Variants in MYH15 observed in about 807,000 individuals in gnomAD.
MYH15 encodes the protein myosin heavy chain 15.
MYH15 carries 227 observed loss-of-function variants against 240.5 expected under a neutral mutation model. The observed-to-expected ratio is 0.94, with a 90% CI of 0.85 to 1.05. The LOEUF (loss-of-function observed/expected upper bound fraction) is 1.05. MYH15 is among the 50% of genes least tolerant of loss of function. MYH15 has a pLI of 0.00. For synonymous variants in MYH15, 785 were observed against 796.7 expected, an observed-to-expected ratio of 0.99 and a Z score of 0.25; for missense variants, 2,217 against 2,247.5, an observed-to-expected ratio of 0.99 and a Z score of 0.27.
intron 4 of MYH15, among the ~76,000 whole-genome samples, chr3:108,499,730 C>A (rs2083422111): frequency 1.3e-5 from 2 of 152,180 alleles, no homozygotes; most frequent in East Asian, 1.9e-4. Context: ...AAATGGTAAC[C>A]AACTAATGAT....
chr3:108,400,030 T>C (rs1266693370), intron 33 of MYH15, among the ~76,000 whole-genome samples: 2 of 152,240 alleles, frequency 1.3e-5, no homozygotes, highest in Non-Finnish European at 1.5e-5. Context: ...TTTGGGACTA[T>C]GTGACTAGAT....
intron 1 of MYH15, among the ~76,000 whole-genome samples, chr3:108,526,310 T>C (rs1280767025): frequency 6.6e-6 from 1 of 152,192 alleles, no homozygotes; most frequent in Non-Finnish European, 1.5e-5. Context: ...AGAGCTTCTA[T>C]TAGTCTTCAC....
At chr3:108,515,530 C>A (rs771075063), upstream of MYH15, among the ~76,000 whole-genome samples, 1 of 152,186 alleles carries the variant, frequency 6.6e-6, no homozygotes, top group African/African-American at 2.4e-5. Flanking sequence ...TCTTTCCCAA[C>A]TTTAAATAAT....
At chr3:108,398,940 C>T in intron 34 of MYH15, 100 bp from the exon 35 acceptor site, 2 of 1,442,894 alleles carry the variant, frequency 1.4e-6, no homozygotes, top group Non-Finnish European at 1.9e-6. Context: ...TAGACATAAG[C>T]ATGCTCCTTC....
chr3:108,509,725 A>G (rs1332820635), intron 1 of MYH15, among the ~76,000 whole-genome samples: 1 of 152,210 alleles, frequency 6.6e-6, no homozygotes, highest in African/African-American at 2.4e-5. Context: ...TAAATCTCCA[A>G]TTAGCTGAAA....
chr3:108,441,501 A>C (rs914030269), intron 22 of MYH15, among the ~76,000 whole-genome samples: 1 of 152,148 alleles, frequency 6.6e-6, no homozygotes, highest in Non-Finnish European at 1.5e-5. Context: ...AGATTAGATT[A>C]CTTCTTCTAA....
intron 24 of MYH15, 140 bp downstream of exon 24, chr3:108,439,597 C>A: frequency 5.4e-6 from 4 of 741,112 alleles, no homozygotes; most frequent in Non-Finnish European, 2.0e-6. Context: ...GAAAAAGAAC[C>A]CTTTTATTCT....
intron 9 of MYH15, among the ~76,000 whole-genome samples, chr3:108,488,859 T>C (rs1183930015): frequency 6.6e-6 from 1 of 152,246 alleles, no homozygotes; most frequent in Non-Finnish European, 1.5e-5. Context: ...GTGACTTTCA[T>C]ACCATTTTTC....
chr3:108,444,488 CTCTTTGTTTTCATTG>C (rs1398528104), intron 22 of MYH15, 137 bp downstream of exon 22: 1 of 881,386 alleles, frequency 1.1e-6, no homozygotes, highest in African/African-American at 1.7e-5. Flanking sequence ...AACAGGGTAT[CTCTTTGTTTTCATTG>C]TCTTTGGTTT....
At chr3:108,433,157 G>A (rs540836260) in intron 25 of MYH15, among the ~76,000 whole-genome samples, 13 of 152,266 alleles carry the variant, frequency 8.5e-5, no homozygotes, top group East Asian at 7.7e-4. Context: ...CTCTTGCATC[G>A]GTGTGCCCTG....
chr3:108,381,706 G>C, intron 40 of MYH15, 147 bp from the exon 41 acceptor site: 5 of 881,630 alleles, frequency 5.7e-6, no homozygotes, highest in Non-Finnish European at 9.5e-6. Flanking sequence ...AGGGAATTGA[G>C]GCAATTATCT....
chr3:108,397,166 T>C (rs146239456), intron 35 of MYH15, among the ~76,000 whole-genome samples: 3 of 152,360 alleles, frequency 2.0e-5, no homozygotes, highest in African/African-American at 7.2e-5. Flanking sequence ...AATTCTTCAG[T>C]GGCTCTCCAT....
the MYH15 span, among the ~76,000 whole-genome samples, chr3:108,546,073 T>G: frequency 2.0e-5 from 3 of 152,202 alleles, no homozygotes; most frequent in Non-Finnish European, 2.9e-5. Context: ...TGGGACTTCT[T>G]TTCTGAGAAT....
chr3:108,473,644 G>GCA (rs1365057197), intron 12 of MYH15, among the ~76,000 whole-genome samples: 5 of 152,060 alleles, frequency 3.3e-5, no homozygotes, highest in African/African-American at 1.2e-4. Flanking sequence ...TCCATACAAA[G>GCA]CACTTAGTAC....
intron 1 of MYH15, among the ~76,000 whole-genome samples, chr3:108,524,761 T>C (rs964159118): frequency 6.6e-6 from 1 of 152,100 alleles, no homozygotes; most frequent in Non-Finnish European, 1.5e-5. Context: ...CAGAAGTTTA[T>C]TTCTCTCATG....
chr3:108,393,233 T>C (rs764951465), intron 36 of MYH15, among the ~76,000 whole-genome samples: 11 of 152,300 alleles, frequency 7.2e-5, no homozygotes, highest in South Asian at 2.1e-4. Flanking sequence ...GTGCATTTGA[T>C]GGGCTGCACA....
chr3:108,534,251 T>C (rs535754996), upstream of MYH15, among the ~76,000 whole-genome samples: 1 of 152,322 alleles, frequency 6.6e-6, no homozygotes, highest in African/African-American at 2.4e-5. Context: ...TCCAATTGCA[T>C]ATTATAATAA....
the MYH15 span, among the ~76,000 whole-genome samples, chr3:108,538,728 G>A: frequency 0.019 from 2,912 of 152,286 alleles, 103 homozygotes; most frequent in African/African-American, 0.067. Flanking sequence ...ATGAGATTGA[G>A]TTTATCAAGT....
chr3:108,425,212 C>A (rs1462681122), intron 27 of MYH15, among the ~76,000 whole-genome samples: 1 of 152,046 alleles, frequency 6.6e-6, no homozygotes, highest in East Asian at 1.9e-4. Context: ...TTAAAGGCAA[C>A]CTGAAATGGA....
Sources: gnomAD v4.1 joint callset for allele counts (sites outside exome capture counted in the v4.1 genomes callset) on GRCh38, gnomAD v4.1.1 for gene constraint, MANE v1.5 for transcripts, NCBI Gene and HGNC (gene_info 2026-07-23, HGNC 2026-07-21) for gene names.